SPRR2G: variants seen among roughly 807,000 people sequenced by gnomAD.
SPRR2G encodes small proline-rich protein 2G.
In SPRR2G, 1 loss-of-function variant was observed where a neutral mutation model predicts 0.7. The ratio of observed to expected loss-of-function variants is 1.49; its 90% CI spans 0.53 to 7.06. The LOEUF (loss-of-function observed/expected upper bound fraction) is 7.06, where lower values mean the gene tolerates loss of function less well. Ranked by LOEUF, SPRR2G falls within the 30% of genes most tolerant of loss-of-function variation. The pLI is 0.14. For missense variants in SPRR2G, 96 were observed against 88.5 expected, an observed-to-expected ratio of 1.09 and a Z score of -0.34; for synonymous variants, 38 against 33.9, an observed-to-expected ratio of 1.12 and a Z score of -0.42.
At position 153,149,751 on chromosome 1, in the gene SPRR2G, T is replaced by C. The variant is rs1470869419; in HGVS notation, c.*138A>G. ...TCGGTTTTCAGAACTAAGCCTTTTC[T>C]CTGTCAACGCTCAAGCCAGACAGAG... On this transcript the variant is annotated 3_prime_UTR_variant, in exon 2 of 2. Coordinates refer to ENST00000368748, the MANE Select transcript of SPRR2G (RefSeq NM_001014291.4). 3 of 1,119,708 alleles carry C rather than the reference T, an allele frequency of 2.7e-6. No individual in the cohort carries two copies. Among genetic ancestry groups the C allele is most frequent in the African/African-American group, 1.6e-5 (1 of 64,464 alleles). 69.4% of individuals were successfully genotyped at this position (1,119,708 alleles called of 1,614,324 possible). A position where few individuals can be genotyped will look rare whatever the true frequency, so the allele number is the denominator to read the frequency against.
the SPRR2G span, among the ~76,000 whole-genome samples, chr1:153,182,084 TTCA>T: frequency 6.6e-6 from 1 of 152,146 alleles, no homozygotes; most frequent in South Asian, 2.1e-4. Context: ...TCTGTTATTC[TTCA>T]TCTTTTTGAT....
chr1:153,202,419 C>T, the SPRR2G span, among the ~76,000 whole-genome samples: 1 of 152,284 alleles, frequency 6.6e-6, no homozygotes, highest in African/African-American at 2.4e-5. Context: ...ACTCTTGTCT[C>T]TTTGATGGTC....
the SPRR2G span, among the ~76,000 whole-genome samples, chr1:153,201,226 G>A: frequency 1.3e-5 from 2 of 152,272 alleles, no homozygotes; most frequent in South Asian, 4.2e-4. Context: ...TAGTAGCTGG[G>A]ATACCAAATG....
the SPRR2G span, among the ~76,000 whole-genome samples, chr1:153,199,725 T>A: frequency 6.6e-6 from 1 of 151,842 alleles, no homozygotes; most frequent in Non-Finnish European, 1.5e-5. Context: ...AGATTTTTTT[T>A]ATGTAAATAG....
chr1:153,195,622 T>A, the SPRR2G span, among the ~76,000 whole-genome samples: 2 of 152,186 alleles, frequency 1.3e-5, no homozygotes, highest in African/African-American at 4.8e-5. Context: ...GAAAAACTGC[T>A]TTAGACAATG....
At chr1:153,200,995 C>T in the SPRR2G span, among the ~76,000 whole-genome samples, 5 of 152,222 alleles carry the variant, frequency 3.3e-5, no homozygotes, top group African/African-American at 4.8e-5. Context: ...TGTGAGCCAC[C>T]GCGCCTAGCA....
chr1:153,194,803 C>T, the SPRR2G span, among the ~76,000 whole-genome samples: 1 of 152,196 alleles, frequency 6.6e-6, no homozygotes, highest in Non-Finnish European at 1.5e-5. Flanking sequence ...GGTGCAGCCC[C>T]AGAGATACTC....
At chr1:153,179,505 G>T in the SPRR2G span, among the ~76,000 whole-genome samples, 1 of 151,974 alleles carries the variant, frequency 6.6e-6, no homozygotes, top group Non-Finnish European at 1.5e-5. Context: ...TTTGTGAAAT[G>T]GTTTCATTTT....
chr1:153,195,909 C>T, the SPRR2G span, among the ~76,000 whole-genome samples: 2 of 152,294 alleles, frequency 1.3e-5, no homozygotes, highest in African/African-American at 2.4e-5. Context: ...CTTCCCAGGC[C>T]ACTGGGCCTC....
At chr1:153,175,839 C>T in the SPRR2G span, among the ~76,000 whole-genome samples, 8 of 152,148 alleles carry the variant, frequency 5.3e-5, no homozygotes, top group African/African-American at 1.9e-4. Context: ...AATCCCAACA[C>T]TTTGGGAGGC....
At chr1:153,175,875 G>A in the SPRR2G span, among the ~76,000 whole-genome samples, 2 of 152,166 alleles carry the variant, frequency 1.3e-5, no homozygotes, top group Non-Finnish European at 2.9e-5. Context: ...ACCTGAGGGC[G>A]GTGAAACTCC....
chr1:153,155,297 A>G (rs1051433887), upstream of SPRR2G, among the ~76,000 whole-genome samples: 2 of 152,074 alleles, frequency 1.3e-5, no homozygotes, highest in Admixed American at 1.3e-4. Context: ...CCCACAAACC[A>G]CTTGAACCTC....
the SPRR2G span, among the ~76,000 whole-genome samples, chr1:153,160,163 C>T: frequency 6.6e-6 from 1 of 150,980 alleles, no homozygotes; most frequent in South Asian, 2.1e-4. Context: ...CAGTATTTTT[C>T]CTTCTACATG....
At chr1:153,163,236 G>C in the SPRR2G span, among the ~76,000 whole-genome samples, 1 of 152,186 alleles carries the variant, frequency 6.6e-6, no homozygotes, top group Non-Finnish European at 1.5e-5. Context: ...CATGGATTGT[G>C]TGTGATTTTG....
the SPRR2G span, among the ~76,000 whole-genome samples, chr1:153,166,570 C>G: frequency 6.6e-6 from 1 of 152,120 alleles, no homozygotes; most frequent in African/African-American, 2.4e-5. Context: ...ATGCTGCACC[C>G]TCAAATAAGC....
chr1:153,163,170 T>A, the SPRR2G span, among the ~76,000 whole-genome samples: 2 of 152,354 alleles, frequency 1.3e-5, no homozygotes, highest in Middle Eastern at 6.8e-3. Flanking sequence ...TGCTTCCAGA[T>A]GATCACAACA....
the SPRR2G span, among the ~76,000 whole-genome samples, chr1:153,177,907 AG>A: frequency 1.3e-5 from 2 of 151,704 alleles, no homozygotes; most frequent in East Asian, 3.9e-4. Context: ...TAGGATTGCA[AG>A]GAATAAATAG....
chr1:153,171,568 G>A, the SPRR2G span, among the ~76,000 whole-genome samples: 2 of 152,058 alleles, frequency 1.3e-5, no homozygotes, highest in East Asian at 1.9e-4. Context: ...CACCACTACG[G>A]ACATTTCTTC....
chr1:153,185,740 T>C, the SPRR2G span, among the ~76,000 whole-genome samples: 11 of 152,222 alleles, frequency 7.2e-5, no homozygotes, highest in African/African-American at 2.7e-4. Flanking sequence ...CTTAGTTACT[T>C]CTTGTCTCCT....
Sources: allele counts gnomAD v4.1 joint callset (sites outside exome capture counted in the v4.1 genomes callset), GRCh38; gene constraint gnomAD v4.1.1; transcripts MANE v1.5; gene names NCBI Gene and HGNC (gene_info 2026-07-23, HGNC 2026-07-21).